ZNF665: variants seen among roughly 807,000 people sequenced by gnomAD.
ZNF665 encodes the protein zinc finger protein 665.
A neutral mutation model predicts 7.9 loss-of-function variants in ZNF665; 6 were observed. The ratio of observed to expected loss-of-function variants is 0.76; its 90% CI spans 0.42 to 1.50. The LOEUF (loss-of-function observed/expected upper bound fraction) is 1.50. ZNF665 is among the 40% of genes most tolerant of loss of function. ZNF665 has a pLI of 0.01. For synonymous variants in ZNF665, 242 were observed against 274.5 expected, an observed-to-expected ratio of 0.88 and a Z score of 1.17; for missense variants, 819 against 806.7, an observed-to-expected ratio of 1.02 and a Z score of -0.18.
rs1332849696 is a variant in ZNF665 at position 53,167,515 on chromosome 19, C to T, written c.143-1168G>A. 4.0e-5 allele frequency among the ~76,000 whole-genome samples: 6 copies of T among 150,286 alleles called. No individual in the cohort carries two copies. In the East Asian group the frequency reaches 8.2e-4, roughly 21 times the overall value. On this transcript the variant is annotated intron_variant, in intron 3 of 3. Coordinates refer to ENST00000396424, the MANE Select transcript of ZNF665 (RefSeq NM_024733.5). ...TGTCACCCAGGCAGTGGCGCGATCT[C>T]GGCTCACTGCAAGCTCCGCCTCCCG...
intron 1 of ZNF665, among the ~76,000 whole-genome samples, chr19:53,192,235 TC>T (rs1317145698): frequency 6.6e-6 from 1 of 152,068 alleles, no homozygotes; most frequent in African/African-American, 2.4e-5. Context: ...CCCTGTTAAA[TC>T]CCCTCTTCCC....
In ZNF665 at chr19:53,165,185, A is replaced by G; in HGVS notation, c.1305T>C (p.Cys435=). ...TGEKPYRCDE[C]GKAFSVRSSL... ...TTGATCGCACACTAAAGGCTTTGCC[A>G]CACTCATCACACCTGTAAGGTTTCT... is the stretch of plus-strand genomic sequence containing the variant. The change falls in exon 4 of 4, where the codon TGT becomes TGC. Residue 435 remains cysteine, a synonymous_variant. Coordinates refer to ENST00000396424, the MANE Select transcript of ZNF665 (RefSeq NM_024733.5). The G allele has an allele frequency of 6.2e-7, 1 of 1,614,170 alleles. No homozygotes were observed. The highest frequency in any genetic ancestry group is 1.1e-5 in the South Asian group (1 of 91,086).
At chr19:53,172,824 CAAAAAAA>C (rs66604312) in intron 3 of ZNF665, among the ~76,000 whole-genome samples, 2 of 82,698 alleles carry the variant, frequency 2.4e-5, no homozygotes, top group Admixed American at 1.4e-4. Flanking sequence ...GATTCTGTCT[CAAAAAAA>C]AAAAAAAAAA....
chr19:53,182,835 G>C, intron 2 of ZNF665, 49 bp downstream of exon 2: 1 of 1,613,320 alleles, frequency 6.2e-7, no homozygotes, highest in Admixed American at 1.7e-5. Context: ...AAGGTCCAAG[G>C]TTTCTGAAAG....
chr19:53,164,592 T>C lies in ZNF665; in HGVS notation c.1898A>G (p.Lys633Arg). ...TAGGGTTGAACGAACACTGAAGGCT[T>C]TCCCACACTCATTACACCTATAAGG... is the stretch of plus-strand genomic sequence containing the variant. Reference protein sequence around the residue: ...EKPYRCNECGKAFSVRSTLTT... With the variant: ...EKPYRCNECGRAFSVRSTLTT... Residue 633 changes from lysine (K) to arginine (R), a missense_variant, in exon 4 of 4, where the codon AAA (lysine) becomes AGA (arginine). By Grantham distance (26) the Lys-to-Arg change is conservative (BLOSUM62 2). Transcript: ENST00000396424. 1 of 1,614,202 alleles carries C rather than the reference T, an allele frequency of 6.2e-7. No individual in the cohort carries two copies. The highest frequency in any genetic ancestry group is 8.5e-7 in the Non-Finnish European group (1 of 1,180,024).
At chr19:53,182,667 C>T in intron 2 of ZNF665, 2 of 981,350 alleles carry the variant, frequency 2.0e-6, no homozygotes, top group East Asian at 2.6e-5. Flanking sequence ...TGAGCCCTTC[C>T]CAGGTCCATG....
At chr19:53,192,774 G>C (rs4239496) in intron 1 of ZNF665, among the ~76,000 whole-genome samples, 73,703 of 151,820 alleles carry the variant, frequency 0.49, 18,147 homozygotes, top group Admixed American at 0.5. Context: ...ACAGGACAAG[G>C]CCCGGGCACC....
chr19:53,179,277 G>A (rs948751093), intron 2 of ZNF665, among the ~76,000 whole-genome samples: 6 of 150,894 alleles, frequency 4.0e-5, no homozygotes, highest in African/African-American at 1.2e-4. Flanking sequence ...TCGGGAGGCT[G>A]AGGCAGGAGA....
At chr19:53,184,766 C>T (rs1338107940) in intron 1 of ZNF665, among the ~76,000 whole-genome samples, 2 of 151,934 alleles carry the variant, frequency 1.3e-5, no homozygotes, top group African/African-American at 2.4e-5. Context: ...ACGTGGAGAC[C>T]GGTAGTGGCC....
intron 1 of ZNF665, among the ~76,000 whole-genome samples, chr19:53,184,906 C>G (rs973599119): frequency 6.6e-6 from 1 of 151,878 alleles, no homozygotes; most frequent in African/African-American, 2.4e-5. Flanking sequence ...CCCTTCCCTG[C>G]CTGGCAGCCG....
rs752098563 is a variant in ZNF665, at chr19:53,165,056, TC to T, written c.1433del (p.Gly478GlufsTer52). ...TQNSHLASHR[G>X]IHSGEKPYKC... ...TGTAAGGTTTCTCTCCAGAATGAAT[TC>T]CCCGATGACTTGCAAGGTGTGAATT... On this transcript the variant is annotated frameshift_variant, in exon 4 of 4. Transcript: ENST00000396424. LOFTEE classifies it low-confidence loss of function (END_TRUNC). 9.3e-6 allele frequency: 15 copies of T among 1,614,100 alleles called. No homozygotes were observed. The African/African-American group carries it at 1.7e-4, about 19-fold the overall frequency.
chr19:53,177,455 G>A (rs766939754), intron 2 of ZNF665, among the ~76,000 whole-genome samples: 9 of 151,662 alleles, frequency 5.9e-5, no homozygotes, highest in East Asian at 1.9e-4. Context: ...AAAATTAGCC[G>A]GAAATTGCTT....
At chr19:53,172,752 G>C (rs559074651) in intron 3 of ZNF665, among the ~76,000 whole-genome samples, 1 of 151,244 alleles carries the variant, frequency 6.6e-6, no homozygotes, top group East Asian at 1.9e-4. Context: ...TTGAACCTGG[G>C]AGGCGGAGAT....
chr19:53,182,774 A>G (rs921881890), intron 2 of ZNF665, 110 bp downstream of exon 2: 1 of 1,558,504 alleles, frequency 6.4e-7, no homozygotes, highest in Non-Finnish European at 8.8e-7. Flanking sequence ...AGTGAGTGCG[A>G]GCAAACCTGT....
intron 3 of ZNF665, among the ~76,000 whole-genome samples, chr19:53,168,079 A>AAAAGAAAGAAAG (rs1555803861): frequency 4.3e-4 from 21 of 48,302 alleles, no homozygotes; most frequent in South Asian, 2.4e-3. Context: ...AAAAAAAAAA[A>AAAAGAAAGAAAG]AAAGAAAGAA....
At chr19:53,171,522 ATAT>A (rs1361228682) in intron 3 of ZNF665, among the ~76,000 whole-genome samples, 130 of 75,374 alleles carry the variant, frequency 1.7e-3, no homozygotes, top group African/African-American at 6.9e-3. Context: ...ATATATATAT[ATAT>A]TTTTTTTTTT....
At chr19:53,170,126 T>C (rs1238112447) in intron 3 of ZNF665, among the ~76,000 whole-genome samples, 1 of 149,250 alleles carries the variant, frequency 6.7e-6, no homozygotes, top group Non-Finnish European at 1.5e-5. Flanking sequence ...TCCACAATGG[T>C]TGAACTAGTT....
At chr19:53,176,644 C>A (rs914102794) in intron 2 of ZNF665, among the ~76,000 whole-genome samples, 1 of 152,072 alleles carries the variant, frequency 6.6e-6, no homozygotes, top group Non-Finnish European at 1.5e-5. Flanking sequence ...GTGGCTGCAC[C>A]CTTGTGGGAC....
intron 3 of ZNF665, among the ~76,000 whole-genome samples, chr19:53,167,793 C>A (rs1356709187): frequency 2.0e-5 from 3 of 148,156 alleles, no homozygotes; most frequent in South Asian, 2.2e-4. Context: ...CCGGTGGCTC[C>A]CGCCTGTAAT....
Sources: gnomAD v4.1 joint callset for allele counts (sites outside exome capture counted in the v4.1 genomes callset) on GRCh38, gnomAD v4.1.1 for gene constraint, MANE v1.5 for transcripts, NCBI Gene and HGNC (gene_info 2026-07-23, HGNC 2026-07-21) for gene names.